SKAP1: variants seen among roughly 807,000 people sequenced by gnomAD.
SKAP1 encodes src kinase-associated phosphoprotein 1.
Under a neutral mutation model 58.5 loss-of-function variants are expected in SKAP1, and 44 were observed. That is an observed-to-expected ratio of 0.75 (90% CI 0.59 to 0.97). The LOEUF (loss-of-function observed/expected upper bound fraction) is 0.97. SKAP1 is among the 50% of genes least tolerant of loss of function. The pLI, the probability that SKAP1 is intolerant of heterozygous loss-of-function variation, is 0.00. For missense variants in SKAP1, 390 were observed against 435.2 expected, an observed-to-expected ratio of 0.90 and a Z score of 0.92; for synonymous variants, 127 against 149.7, an observed-to-expected ratio of 0.85 and a Z score of 1.11.
chr17:48,329,567 C>A (rs1245590204), intron 4 of SKAP1, among the ~76,000 whole-genome samples: 1 of 152,072 alleles, frequency 6.6e-6, no homozygotes, highest in Non-Finnish European at 1.5e-5. Context: ...ATTAGCCGGG[C>A]GTGGCGGCAG....
chr17:48,241,269 G>A (rs1234925884), intron 4 of SKAP1, among the ~76,000 whole-genome samples: 2 of 151,968 alleles, frequency 1.3e-5, no homozygotes, highest in Admixed American at 6.6e-5. Context: ...CTGCATTTTC[G>A]GGCAAGAGGC....
At chr17:48,169,564 C>T (rs2064183355) in intron 10 of SKAP1, among the ~76,000 whole-genome samples, 1 of 152,248 alleles carries the variant, frequency 6.6e-6, no homozygotes, top group Non-Finnish European at 1.5e-5. Flanking sequence ...TGCTTTCTTT[C>T]TCTCCTGCTT....
At chr17:48,415,486 C>T (rs1362548372) in intron 1 of SKAP1, among the ~76,000 whole-genome samples, 1 of 152,198 alleles carries the variant, frequency 6.6e-6, no homozygotes, top group Non-Finnish European at 1.5e-5. Flanking sequence ...CAGCCCCCTG[C>T]ATACTTCTGC....
chr17:48,426,750 A>G (rs772546136), intron 1 of SKAP1, among the ~76,000 whole-genome samples: 5 of 152,170 alleles, frequency 3.3e-5, no homozygotes, highest in Admixed American at 6.5e-5. Context: ...TACTATTTCT[A>G]TATGAGAGCT....
chr17:48,185,433 G>T (rs147247652), intron 6 of SKAP1, among the ~76,000 whole-genome samples: 95 of 152,224 alleles, frequency 6.2e-4, no homozygotes, highest in African/African-American at 2.2e-3. Context: ...GAATAACGTT[G>T]AGTATTATTA....
At chr17:48,427,481 G>A (rs574886368) in intron 1 of SKAP1, among the ~76,000 whole-genome samples, 80 of 152,096 alleles carry the variant, frequency 5.3e-4, no homozygotes, top group Non-Finnish European at 1.1e-3. Context: ...TTTTAGAAGT[G>A]AGGTTTCTAG....
Position 48,181,164 on chromosome 17 carries a change from G to C in SKAP1, c.632-916C>G, listed in dbSNP as rs142611684. On this transcript the variant is annotated intron_variant, in intron 8 of 12. Transcript: ENST00000336915. ...TGATTAGCCTTTTAATAAAGATTTT[G>C]CAACAATTTTCATCTGAATTTTGGT... is the stretch of plus-strand genomic sequence containing the variant. 1.1e-4 allele frequency among the ~76,000 whole-genome samples: 16 copies of C among 152,236 alleles called. No individual in the cohort carries two copies. In the East Asian group the frequency reaches 2.7e-3, roughly 26 times the overall value.
At chr17:48,389,636 C>T (rs1489822903) in intron 2 of SKAP1, among the ~76,000 whole-genome samples, 2 of 152,166 alleles carry the variant, frequency 1.3e-5, no homozygotes, top group East Asian at 3.8e-4. Flanking sequence ...CTTCTCTGAG[C>T]CCTTTGCTGA....
intron 4 of SKAP1, among the ~76,000 whole-genome samples, chr17:48,293,588 C>T (rs919057166): frequency 1.3e-5 from 2 of 152,154 alleles, no homozygotes; most frequent in Non-Finnish European, 2.9e-5. Context: ...CTGGTACATA[C>T]GAGGTTCTGA....
intron 2 of SKAP1, among the ~76,000 whole-genome samples, chr17:48,386,384 T>C (rs1416852038): frequency 2.0e-5 from 3 of 151,770 alleles, no homozygotes; most frequent in Middle Eastern, 3.4e-3. Flanking sequence ...ATATGTATTC[T>C]AAGTTCTGAG....
rs943300407 is a variant in SKAP1 at position 48,153,040 on chromosome 17, CACACACACAT to C, written c.978+9419_978+9428del. ...GTGCACATGGACACACACACACACA[CACACACACAT>C]ACATACACAGAGAGAGAGAAAAGTG... On this transcript the variant is annotated intron_variant, in intron 11 of 12. Coordinates refer to ENST00000336915, the MANE Select transcript of SKAP1 (RefSeq NM_003726.4). Among the ~76,000 whole-genome samples, 209 of 141,706 alleles carry C rather than the reference CACACACACAT, an allele frequency of 1.5e-3. 2 individuals carry two copies. The highest frequency in any genetic ancestry group is 5.2e-3 in the African/African-American group (205 of 39,248). 93.0% of individuals were successfully genotyped at this position (141,706 alleles called of 152,430 possible).
chr17:48,350,244 A>G (rs1364851055), intron 3 of SKAP1, among the ~76,000 whole-genome samples: 1 of 152,082 alleles, frequency 6.6e-6, no homozygotes, highest in Non-Finnish European at 1.5e-5. Context: ...AACAAATAAC[A>G]GAGAAAACAT....
At chr17:48,221,093 C>T (rs1436329465) in intron 4 of SKAP1, among the ~76,000 whole-genome samples, 3 of 151,782 alleles carry the variant, frequency 2.0e-5, no homozygotes, top group Non-Finnish European at 2.9e-5. Flanking sequence ...ATGGTGAAAC[C>T]GCGTCTCTAC....
chr17:48,233,875 C>T (rs964261730), intron 4 of SKAP1, among the ~76,000 whole-genome samples: 1 of 151,994 alleles, frequency 6.6e-6, no homozygotes, highest in African/African-American at 2.4e-5. Context: ...AAAATGTTTA[C>T]TTAGAGTGGC....
chr17:48,210,407 T>C (rs1441867908), intron 4 of SKAP1, among the ~76,000 whole-genome samples: 10 of 152,220 alleles, frequency 6.6e-5, no homozygotes, highest in Admixed American at 6.5e-4. Flanking sequence ...GATGCTCACC[T>C]AGGGCTAAGA....
the SKAP1 span, among the ~76,000 whole-genome samples, chr17:48,442,086 C>G: frequency 2.6e-5 from 4 of 152,180 alleles, no homozygotes; most frequent in African/African-American, 9.6e-5. Context: ...CACTGAAGTT[C>G]CTTTTAGTGT....
At chr17:48,215,842 T>C (rs1333056033) in intron 4 of SKAP1, among the ~76,000 whole-genome samples, 1 of 152,072 alleles carries the variant, frequency 6.6e-6, no homozygotes, top group Admixed American at 6.6e-5. Context: ...TGGTTCTAAT[T>C]GGAGACAGTT....
At chr17:48,283,319 T>C (rs1270682555) in intron 4 of SKAP1, among the ~76,000 whole-genome samples, 1 of 152,030 alleles carries the variant, frequency 6.6e-6, no homozygotes, top group African/African-American at 2.4e-5. Context: ...ATAAGAAAAA[T>C]AAAATAATAA....
intron 4 of SKAP1, among the ~76,000 whole-genome samples, chr17:48,211,268 C>T (rs2064869515): frequency 1.3e-5 from 2 of 152,160 alleles, no homozygotes; most frequent in African/African-American, 2.4e-5. Flanking sequence ...ACAGTGAGAC[C>T]CCACCTCTAT....
Sources: allele counts gnomAD v4.1 joint callset (sites outside exome capture counted in the v4.1 genomes callset), GRCh38; gene constraint gnomAD v4.1.1; transcripts MANE v1.5; gene names NCBI Gene and HGNC (gene_info 2026-07-23, HGNC 2026-07-21).